Variants in PDE1A observed in about 807,000 individuals in gnomAD.
PDE1A encodes dual specificity calcium/calmodulin-dependent 3',5'-cyclic nucleotide phosphodiesterase 1A.
A neutral mutation model predicts 61.7 loss-of-function variants in PDE1A; 35 were observed. The observed-to-expected ratio is 0.57, with a 90% CI of 0.43 to 0.75. The LOEUF (loss-of-function observed/expected upper bound fraction) is 0.75, where lower values mean the gene tolerates loss of function less well. Among genes scored for constraint, PDE1A ranks in the 30% least tolerant of loss-of-function variants. The pLI, the probability that PDE1A is intolerant of heterozygous loss-of-function variation, is 0.00. For missense variants in PDE1A, 597 were observed against 630.6 expected (o/e 0.95, Z 0.57); for synonymous variants, 232 against 213.2 (o/e 1.09, Z -0.77).
the PDE1A span, among the ~76,000 whole-genome samples, chr2:182,607,459 T>C: frequency 2.6e-5 from 4 of 152,112 alleles, no homozygotes; most frequent in Non-Finnish European, 5.9e-5. Context: ...TAGTGGGGGA[T>C]TGGTTCCAGA....
intron 1 of PDE1A, among the ~76,000 whole-genome samples, chr2:182,347,686 C>T (rs17343311): frequency 6.6e-5 from 10 of 151,900 alleles, no homozygotes; most frequent in South Asian, 4.2e-4. Flanking sequence ...AGAATGAATA[C>T]GGTGAATGCT....
intron 3 of PDE1A, among the ~76,000 whole-genome samples, chr2:182,238,112 C>T (rs903286627): frequency 5.3e-5 from 8 of 151,134 alleles, no homozygotes; most frequent in Non-Finnish European, 8.9e-5. Flanking sequence ...ACTAAAAATG[C>T]AAAAAAATTA....
chr2:182,529,028 C>T, the PDE1A span, among the ~76,000 whole-genome samples: 1 of 152,198 alleles, frequency 6.6e-6, no homozygotes, highest in Non-Finnish European at 1.5e-5. Context: ...GTTGAAGCCT[C>T]CACACAGAGT....
the PDE1A span, among the ~76,000 whole-genome samples, chr2:182,669,836 G>A: frequency 6.6e-6 from 1 of 152,168 alleles, no homozygotes; most frequent in East Asian, 1.9e-4. Flanking sequence ...ACGCACCTGC[G>A]TGTGCGTTCT....
chr2:182,248,720 G>A (rs1199222990), intron 2 of PDE1A, among the ~76,000 whole-genome samples: 1 of 152,138 alleles, frequency 6.6e-6, no homozygotes, highest in East Asian at 1.9e-4. Flanking sequence ...TTACATTCAT[G>A]TACTGATGTG....
At chr2:182,244,122 C>T (rs1690770520) in intron 2 of PDE1A, among the ~76,000 whole-genome samples, 1 of 152,158 alleles carries the variant, frequency 6.6e-6, no homozygotes, top group South Asian at 2.1e-4. Flanking sequence ...CCGCCTTGGC[C>T]TCCCAAAGTG....
the PDE1A span, among the ~76,000 whole-genome samples, chr2:182,609,245 C>A: frequency 2.0e-5 from 3 of 152,106 alleles, no homozygotes; most frequent in African/African-American, 7.2e-5. Flanking sequence ...CAATCAGCAC[C>A]CTGTCAAAAC....
intron 7 of PDE1A, among the ~76,000 whole-genome samples, chr2:182,208,870 T>C (rs1687341631): frequency 6.6e-6 from 1 of 152,230 alleles, no homozygotes; most frequent in African/African-American, 2.4e-5. Context: ...ACCCAATGCC[T>C]GTAACCCCAT....
At chr2:182,578,619 T>C in the PDE1A span, among the ~76,000 whole-genome samples, 1 of 152,176 alleles carries the variant, frequency 6.6e-6, no homozygotes, top group African/African-American at 2.4e-5. Flanking sequence ...AAGGGAATGG[T>C]TGAATAAGTA....
chr2:182,416,541 A>G (rs986524460), intron 1 of PDE1A, among the ~76,000 whole-genome samples: 4 of 152,118 alleles, frequency 2.6e-5, no homozygotes, highest in African/African-American at 9.7e-5. Flanking sequence ...ACTAGGCAAC[A>G]TTTTTTTGCC....
At chr2:182,652,414 A>C in the PDE1A span, among the ~76,000 whole-genome samples, 1 of 152,152 alleles carries the variant, frequency 6.6e-6, no homozygotes, top group Non-Finnish European at 1.5e-5. Flanking sequence ...CCCTATTTCA[A>C]CTGCCTATTT....
At chr2:182,572,868 CAAA>C in the PDE1A span, among the ~76,000 whole-genome samples, 2 of 53,008 alleles carry the variant, frequency 3.8e-5, no homozygotes, top group Admixed American at 2.0e-4. Flanking sequence ...GACTCTGTCT[CAAA>C]AAAAAAAAAA....
intron 2 of PDE1A, among the ~76,000 whole-genome samples, chr2:182,435,947 T>C (rs1021070735): frequency 6.6e-6 from 1 of 152,052 alleles, no homozygotes; most frequent in Non-Finnish European, 1.5e-5. Context: ...AATGCTAAAC[T>C]ATTGGCTTCT....
chr2:182,437,308 A>C (rs1667187110), intron 2 of PDE1A, among the ~76,000 whole-genome samples: 1 of 151,976 alleles, frequency 6.6e-6, no homozygotes, highest in Admixed American at 6.6e-5. Context: ...TGTGTCTGTA[A>C]GGTAATTTTC....
intron 1 of PDE1A, among the ~76,000 whole-genome samples, chr2:182,329,684 C>G (rs1697275918): frequency 6.6e-6 from 1 of 152,202 alleles, no homozygotes; most frequent in Non-Finnish European, 1.5e-5. Flanking sequence ...AGCCACCAGG[C>G]CTGGCCTGTC....
At chr2:182,582,236 A>G in the PDE1A span, among the ~76,000 whole-genome samples, 1 of 152,290 alleles carries the variant, frequency 6.6e-6, no homozygotes, top group South Asian at 2.1e-4. Context: ...TGAACTGGGC[A>G]AGAATCTTCA....
chr2:182,303,452 T>C (rs1375368857), intron 1 of PDE1A, among the ~76,000 whole-genome samples: 1 of 152,250 alleles, frequency 6.6e-6, no homozygotes, highest in Non-Finnish European at 1.5e-5. Flanking sequence ...AACAGTGTGC[T>C]TACAGTATTT....
intron 1 of PDE1A, among the ~76,000 whole-genome samples, chr2:182,412,711 A>G (rs1383094385): frequency 1.3e-5 from 2 of 152,192 alleles, no homozygotes; most frequent in East Asian, 3.8e-4. Context: ...TTTTTCATTT[A>G]TCTATGAAAT....
intron 2 of PDE1A, among the ~76,000 whole-genome samples, chr2:182,471,061 T>G (rs1225117419): frequency 6.6e-6 from 1 of 151,794 alleles, no homozygotes; most frequent in Non-Finnish European, 1.5e-5. Context: ...ATCTTCAAAA[T>G]TTAGTGAACT....
Sources: allele counts gnomAD v4.1 joint callset (sites outside exome capture counted in the v4.1 genomes callset), GRCh38; gene constraint gnomAD v4.1.1; transcripts MANE v1.5; gene names NCBI Gene and HGNC (gene_info 2026-07-23, HGNC 2026-07-21).